The following MTSS1 variants were observed in gnomAD, a reference collection of about 807,000 sequenced individuals.
The protein encoded by MTSS1 is protein MTSS 1.
In MTSS1, 18 loss-of-function variants were observed where a neutral mutation model predicts 79.0. That is an observed-to-expected ratio of 0.23 (90% CI 0.16 to 0.34). The LOEUF (loss-of-function observed/expected upper bound fraction) is 0.34. MTSS1 is among the 10% of genes least tolerant of loss of function. The probability of loss-of-function intolerance (pLI) is 1.00; values close to 1 mark genes in which losing one functional copy is unlikely to be tolerated. For synonymous variants in MTSS1, 341 were observed against 368.6 expected (o/e 0.93, Z 0.86); for missense variants, 815 against 986.2 (o/e 0.83, Z 2.33).
At chr8:124,573,556 G>A (rs1010018119) in intron 6 of MTSS1, among the ~76,000 whole-genome samples, 2 of 152,238 alleles carry the variant, frequency 1.3e-5, no homozygotes, top group Admixed American at 6.5e-5. Flanking sequence ...CCTGGAAGGC[G>A]GCAGGTGTTC....
chr8:124,665,860 T>C (rs1246138131), intron 3 of MTSS1, among the ~76,000 whole-genome samples: 65 of 124,912 alleles, frequency 5.2e-4, no homozygotes, highest in Non-Finnish European at 5.5e-4. Flanking sequence ...CGAGTGAAAC[T>C]CCTTCTCAAA....
intron 5 of MTSS1, among the ~76,000 whole-genome samples, chr8:124,586,352 A>C (rs567555024): frequency 1.3e-5 from 2 of 152,280 alleles, no homozygotes; most frequent in South Asian, 4.1e-4. Flanking sequence ...ACAGTTTTCT[A>C]TCTGGCTAGG....
chr8:124,564,168 T>A (rs1825894049), intron 9 of MTSS1, among the ~76,000 whole-genome samples: 1 of 144,490 alleles, frequency 6.9e-6, no homozygotes, highest in Non-Finnish European at 1.5e-5. Context: ...ACACTCTGTA[T>A]AGTAACTTAG....
At chr8:124,640,498 A>G (rs547655665) in intron 3 of MTSS1, among the ~76,000 whole-genome samples, 2 of 152,246 alleles carry the variant, frequency 1.3e-5, no homozygotes, top group South Asian at 4.2e-4. Flanking sequence ...GGTTCCTTCA[A>G]GGAGAGTTTC....
chr8:124,666,664 A>C (rs1208693797), intron 3 of MTSS1, among the ~76,000 whole-genome samples: 2 of 152,146 alleles, frequency 1.3e-5, no homozygotes, highest in Non-Finnish European at 2.9e-5. Context: ...TGAGGTCCAA[A>C]AAGATGAAGG....
intron 6 of MTSS1, among the ~76,000 whole-genome samples, chr8:124,571,857 G>A (rs1827859054): frequency 6.6e-6 from 1 of 152,200 alleles, no homozygotes; most frequent in Non-Finnish European, 1.5e-5. Context: ...CCAGCCACTG[G>A]GGAGGCTGAG....
At chr8:124,720,879 T>C (rs1978661) in intron 1 of MTSS1, among the ~76,000 whole-genome samples, 104,882 of 152,064 alleles carry the variant, frequency 0.69, 36,565 homozygotes, top group Admixed American at 0.78. Flanking sequence ...AATGTTTCAC[T>C]TCAGAATCCT....
chr8:124,719,166 T>A (rs1280051890), intron 1 of MTSS1, among the ~76,000 whole-genome samples: 1 of 152,172 alleles, frequency 6.6e-6, no homozygotes, highest in Non-Finnish European at 1.5e-5. Context: ...CAGCTATGCT[T>A]CTCACTAGCT....
chr8:124,629,229 A>G (rs77105878), intron 3 of MTSS1, among the ~76,000 whole-genome samples: 5,752 of 152,224 alleles, frequency 0.038, 254 homozygotes, highest in East Asian at 0.16. Flanking sequence ...TTCTGGAGCT[A>G]GATGGCCAGG....
Position 124,560,976 on chromosome 8 carries a change from A to G in MTSS1, c.1035+1806T>C, listed in dbSNP as rs578224021. 2.6e-5 allele frequency among the ~76,000 whole-genome samples: 4 copies of G among 152,274 alleles called. No homozygotes were observed. In the South Asian group the frequency reaches 8.3e-4, roughly 32 times the overall value. The stretch of plus-strand genomic sequence containing the variant: ...ATGTATGCCCCCTTTCTCCCTAATA[A>G]AGGGGAGGTTACTGCCTTCAGGAGA... On this transcript the variant is annotated intron_variant, in intron 10 of 13. Coordinates refer to ENST00000518547, the MANE Select transcript of MTSS1 (RefSeq NM_014751.6).
chr8:124,680,393 G>GCCA (rs1825938831), intron 3 of MTSS1, among the ~76,000 whole-genome samples: 1 of 152,230 alleles, frequency 6.6e-6, no homozygotes, highest in African/African-American at 2.4e-5. Context: ...GCCACTGCCA[G>GCCA]CCAGAGCTGC....
At chr8:124,639,595 C>A (rs1228041826) in intron 3 of MTSS1, among the ~76,000 whole-genome samples, 2 of 152,020 alleles carry the variant, frequency 1.3e-5, no homozygotes, top group Non-Finnish European at 2.9e-5. Context: ...TCCGGAGTAG[C>A]TGGGATTACA....
intron 5 of MTSS1, among the ~76,000 whole-genome samples, chr8:124,587,156 C>T (rs1221415934): frequency 6.6e-6 from 1 of 152,172 alleles, no homozygotes; most frequent in South Asian, 2.1e-4. Context: ...AGCAGGTTCC[C>T]TGAGGGCAGG....
At chr8:124,578,371 C>G (rs921242094) in intron 6 of MTSS1, among the ~76,000 whole-genome samples, 2 of 152,134 alleles carry the variant, frequency 1.3e-5, no homozygotes, top group Non-Finnish European at 2.9e-5. Context: ...GCTGTCCTCT[C>G]CACCTTGAAT....
chr8:124,616,743 TAAG>T (rs1330567999), intron 3 of MTSS1, among the ~76,000 whole-genome samples: 1 of 152,212 alleles, frequency 6.6e-6, no homozygotes, highest in East Asian at 1.9e-4. Flanking sequence ...GGGACAGAAC[TAAG>T]CCCTTCTCAA....
intron 3 of MTSS1, among the ~76,000 whole-genome samples, chr8:124,599,626 A>C (rs1257943606): frequency 6.6e-6 from 1 of 150,632 alleles, no homozygotes; most frequent in African/African-American, 2.4e-5. Flanking sequence ...CTCGCCTGTG[A>C]CTGTATCAGG....
intron 3 of MTSS1, among the ~76,000 whole-genome samples, chr8:124,629,523 A>AG (rs1266816537): frequency 4.6e-5 from 6 of 130,466 alleles, no homozygotes; most frequent in Non-Finnish European, 8.5e-5. Context: ...AAAAAAAAAA[A>AG]AAAGAAAAGA....
intron 3 of MTSS1, among the ~76,000 whole-genome samples, chr8:124,655,551 G>GC (rs910419950): frequency 2.6e-5 from 4 of 152,214 alleles, no homozygotes; most frequent in Non-Finnish European, 4.4e-5. Context: ...ATGCGCAGGA[G>GC]CCCGGACTTG....
chr8:124,602,081 C>T (rs1243325185), intron 3 of MTSS1, among the ~76,000 whole-genome samples: 1 of 150,846 alleles, frequency 6.6e-6, no homozygotes, highest in African/African-American at 2.5e-5. Flanking sequence ...CTTTTGGCTT[C>T]CCTGGGCCAC....
Sources: allele counts gnomAD v4.1 joint callset (sites outside exome capture counted in the v4.1 genomes callset), GRCh38; gene constraint gnomAD v4.1.1; transcripts MANE v1.5; gene names NCBI Gene and HGNC (gene_info 2026-07-23, HGNC 2026-07-21).